Variants in HPSE2 observed in about 807,000 individuals in gnomAD.
HPSE2 encodes heparanase 2 (inactive), also known as inactive heparanase-2.
HPSE2 carries 38 observed loss-of-function variants against 60.5 expected under a neutral mutation model. The observed-to-expected ratio is 0.63, with a 90% CI of 0.48 to 0.82. The LOEUF (loss-of-function observed/expected upper bound fraction) is 0.82, where lower values mean the gene tolerates loss of function less well. Among genes scored for constraint, HPSE2 ranks in the 40% least tolerant of loss-of-function variants. The probability of loss-of-function intolerance (pLI) is 0.00; values close to 1 mark genes in which losing one functional copy is unlikely to be tolerated. For missense variants in HPSE2, 713 were observed against 740.4 expected (o/e 0.96, Z 0.43); for synonymous variants, 295 against 293.2 (o/e 1.01, Z -0.06).
At chr10:98,662,180 A>T (rs1947242794) in intron 6 of HPSE2, among the ~76,000 whole-genome samples, 1 of 152,162 alleles carries the variant, frequency 6.6e-6, no homozygotes, top group Admixed American at 6.5e-5. Context: ...GGCATGAGCC[A>T]CTGTGCCTGG....
rs576568204 is a variant in HPSE2, at chr10:98,531,756, A to G, written c.1321-41560T>C. Among the ~76,000 whole-genome samples, 5 of 152,154 alleles carry G rather than the reference A, an allele frequency of 3.3e-5. No homozygotes were observed. In the East Asian group the frequency reaches 9.7e-4, roughly 30 times the overall value. On this transcript the variant is annotated intron_variant, in intron 9 of 11. Coordinates refer to ENST00000370552, the MANE Select transcript of HPSE2 (RefSeq NM_021828.5). ...ACAGTAGCTATTTTTCTGGATATCT[A>G]AGGTGAAAGTTTAACACAGGAAGCC...
chr10:99,111,580 A>C (rs981935986), intron 3 of HPSE2, among the ~76,000 whole-genome samples: 50 of 152,180 alleles, frequency 3.3e-4, no homozygotes, highest in African/African-American at 1.2e-3. Context: ...CGAATTCCAA[A>C]CCACATATCT....
intron 3 of HPSE2, among the ~76,000 whole-genome samples, chr10:98,913,615 C>G (rs977972183): frequency 1.3e-5 from 2 of 152,168 alleles, no homozygotes; most frequent in African/African-American, 2.4e-5. Flanking sequence ...AAAGACACTT[C>G]ATTTTTGAGG....
chr10:99,114,031 A>G (rs1353562804), intron 3 of HPSE2, among the ~76,000 whole-genome samples: 1 of 152,242 alleles, frequency 6.6e-6, no homozygotes, highest in East Asian at 1.9e-4. Flanking sequence ...AGCTAGGGAC[A>G]TGTGAACTGC....
chr10:98,632,802 T>C (rs1946398629), intron 7 of HPSE2, among the ~76,000 whole-genome samples: 2 of 152,202 alleles, frequency 1.3e-5, no homozygotes, highest in South Asian at 2.1e-4. Flanking sequence ...AAGGTCCCCA[T>C]TGTATAAATG....
intron 9 of HPSE2, among the ~76,000 whole-genome samples, chr10:98,514,533 T>G (rs1406407822): frequency 6.6e-6 from 1 of 152,138 alleles, no homozygotes; most frequent in Non-Finnish European, 1.5e-5. Flanking sequence ...CCTTAATTGC[T>G]GCATACCCAT....
At chr10:99,069,491 CT>C (rs1377387981) in intron 3 of HPSE2, among the ~76,000 whole-genome samples, 3 of 151,426 alleles carry the variant, frequency 2.0e-5, no homozygotes, top group Non-Finnish European at 4.4e-5. Context: ...GTTATTACAT[CT>C]ATGGAAAAGA....
intron 5 of HPSE2, among the ~76,000 whole-genome samples, chr10:98,719,856 C>T (rs990937435): frequency 1.3e-5 from 2 of 151,846 alleles, no homozygotes; most frequent in East Asian, 3.9e-4. Context: ...CAAAAATTAG[C>T]CAGGCATGGT....
At chr10:99,288,890 T>C in the HPSE2 span, among the ~76,000 whole-genome samples, 2 of 150,408 alleles carry the variant, frequency 1.3e-5, no homozygotes, top group African/African-American at 4.9e-5. Flanking sequence ...CTAAGGAAAA[T>C]AAAATTTGTG....
intron 7 of HPSE2, among the ~76,000 whole-genome samples, chr10:98,638,877 G>C (rs2134028888): frequency 6.6e-6 from 1 of 152,114 alleles, no homozygotes; most frequent in Admixed American, 6.5e-5. Flanking sequence ...AGAGAATCAG[G>C]GGAAAAAAAC....
chr10:99,280,431 T>C, the HPSE2 span, among the ~76,000 whole-genome samples: 1 of 152,184 alleles, frequency 6.6e-6, no homozygotes, highest in African/African-American at 2.4e-5. Flanking sequence ...CCCAGTTACA[T>C]AAAAACGGAA....
chr10:98,972,136 A>G (rs1285709216), intron 3 of HPSE2, among the ~76,000 whole-genome samples: 1 of 152,094 alleles, frequency 6.6e-6, no homozygotes, highest in African/African-American at 2.4e-5. Flanking sequence ...TATAATTAGC[A>G]TCTTTAAAAT....
At chr10:98,503,539 A>G in intron 9 of HPSE2, among the ~76,000 whole-genome samples, 1 of 152,236 alleles carries the variant, frequency 6.6e-6, no homozygotes, top group East Asian at 1.9e-4. Flanking sequence ...AAAATAAGTC[A>G]TTATATGAAA....
chr10:99,232,562 G>A, intron 1 of HPSE2, 57 bp from the exon 2 acceptor site: 1 of 1,537,046 alleles, frequency 6.5e-7, no homozygotes, highest in Middle Eastern at 2.3e-4. Flanking sequence ...AGAGCGCGTG[G>A]GGCACGGAGA....
chr10:98,972,986 A>G lies in HPSE2; in HGVS notation c.610+171252T>C, dbSNP rs114355208. Among the ~76,000 whole-genome samples, 1,033 of 152,284 alleles carry G rather than the reference A, an allele frequency of 6.8e-3. 8 individuals carry two copies. The highest frequency in any genetic ancestry group is 0.023 in the African/African-American group (969 of 41,558). ...GGTTTTTAAAGATGATAAATTTTATATATTGATTCCTGAGTCATGTATTAG... is the reference window on the plus strand; with the variant it reads ...GGTTTTTAAAGATGATAAATTTTATGTATTGATTCCTGAGTCATGTATTAG... On this transcript the variant is annotated intron_variant, in intron 3 of 11. Coordinates refer to ENST00000370552, the MANE Select transcript of HPSE2 (RefSeq NM_021828.5).
intron 3 of HPSE2, among the ~76,000 whole-genome samples, chr10:99,003,035 G>A (rs2135378682): frequency 6.6e-6 from 1 of 151,860 alleles, no homozygotes; most frequent in Non-Finnish European, 1.5e-5. Context: ...CCTATCCCCT[G>A]GTAACCACCA....
At chr10:98,463,734 C>A (rs1306257171) in intron 11 of HPSE2, among the ~76,000 whole-genome samples, 1 of 152,108 alleles carries the variant, frequency 6.6e-6, no homozygotes, top group Non-Finnish European at 1.5e-5. Flanking sequence ...GAGCCCAGGA[C>A]ATTGAGACTG....
At chr10:99,198,263 T>C (rs1404174854) in intron 2 of HPSE2, among the ~76,000 whole-genome samples, 1 of 152,130 alleles carries the variant, frequency 6.6e-6, no homozygotes, top group East Asian at 1.9e-4. Context: ...GTAATAATAA[T>C]TTTTTCTCAA....
At chr10:99,073,860 G>C (rs1350774801) in intron 3 of HPSE2, among the ~76,000 whole-genome samples, 2 of 150,258 alleles carry the variant, frequency 1.3e-5, no homozygotes, top group Non-Finnish European at 3.0e-5. Context: ...TTCATTGTTA[G>C]TGTATGGAAA....
Sources: gnomAD v4.1 joint callset for allele counts (sites outside exome capture counted in the v4.1 genomes callset) on GRCh38, gnomAD v4.1.1 for gene constraint, MANE v1.5 for transcripts, NCBI Gene and HGNC (gene_info 2026-07-23, HGNC 2026-07-21) for gene names.